The following SHANK1 variants were observed in gnomAD, a reference collection of about 807,000 sequenced individuals.
SHANK1 encodes the protein SH3 and multiple ankyrin repeat domains 1.
In SHANK1, 35 loss-of-function variants were observed where a neutral mutation model predicts 165.6. The ratio of observed to expected loss-of-function variants is 0.21; its 90% CI spans 0.16 to 0.28. The LOEUF (loss-of-function observed/expected upper bound fraction) is 0.28, where lower values mean the gene tolerates loss of function less well. Among genes scored for constraint, SHANK1 ranks in the 10% least tolerant of loss-of-function variants. The pLI, the probability that SHANK1 is intolerant of heterozygous loss-of-function variation, is 1.00. For synonymous variants in SHANK1, 1,428 were observed against 1,384.8 expected (o/e 1.03, Z -0.69); for missense variants, 2,681 against 3,036.4 (o/e 0.88, Z 2.75).
At chr19:50,692,796 C>T (rs1021481588) in intron 15 of SHANK1, among the ~76,000 whole-genome samples, 2 of 151,216 alleles carry the variant, frequency 1.3e-5, no homozygotes, top group African/African-American at 2.4e-5. Flanking sequence ...GGTTCCACAT[C>T]GCCCTAACCC....
At chr19:50,687,044 G>A in intron 19 of SHANK1, 1 of 1,476,920 alleles carries the variant, frequency 6.8e-7, no homozygotes, top group South Asian at 1.4e-5. Flanking sequence ...GGGGAGACTA[G>A]CCCGGGGGAG....
chr19:50,662,735 G>T lies in SHANK1; in HGVS notation c.5769-53C>A. The T allele has an allele frequency of 6.5e-7, 1 of 1,543,436 alleles. No homozygotes were observed. On this transcript the variant is annotated intron_variant, in intron 23 of 23. Transcript: ENST00000293441. The surrounding 1 kb of genome is among the most constrained non-coding windows in gnomAD (Gnocchi z 7.7). The stretch of plus-strand genomic sequence containing the variant: ...GAGGACAGGGATTTAGGGGGCAAGG[G>T]CAGGGGTGAGAAAGAGGCAGAGGTC...
chr19:50,694,674 T>G (rs1599860042), intron 15 of SHANK1, among the ~76,000 whole-genome samples: 12 of 130,390 alleles, frequency 9.2e-5, no homozygotes, highest in South Asian at 2.7e-4. Flanking sequence ...GGGGGGAGGG[T>G]CGGGGAGAGG....
At chr19:50,665,506 G>A (rs1456375224) in intron 23 of SHANK1, among the ~76,000 whole-genome samples, 1 of 133,242 alleles carries the variant, frequency 7.5e-6, no homozygotes, top group Non-Finnish European at 1.5e-5. Context: ...GGCAGAAGTT[G>A]CAGTGAGCTG....
At chr19:50,689,690 T>C (rs1392342782) in intron 15 of SHANK1, among the ~76,000 whole-genome samples, 1 of 152,192 alleles carries the variant, frequency 6.6e-6, no homozygotes, top group East Asian at 1.9e-4. Context: ...AATGGGGGGC[T>C]ATCACAGATC....
rs1420490562 is a variant in SHANK1 at position 50,686,613 on chromosome 19, G to C, written c.2458+131C>G. 1.6e-5 allele frequency: 14 copies of C among 857,454 alleles called. No homozygotes were observed. The highest frequency in any genetic ancestry group is 4.9e-5 in the Admixed American group (2 of 41,110). 53.1% of individuals were successfully genotyped at this position (857,454 alleles called of 1,614,324 possible). A position where few individuals can be genotyped will look rare whatever the true frequency, so the allele number is the denominator to read the frequency against. Reference sequence around the variant, plus strand: ...CGTCGGGAGAGGGCGGGCGGAGGGAGGGGAGGTGGGATCGCAGCCTCTCTG... The same window carrying C: ...CGTCGGGAGAGGGCGGGCGGAGGGACGGGAGGTGGGATCGCAGCCTCTCTG... On this transcript the variant is annotated intron_variant, in intron 20 of 23. Transcript: ENST00000293441. This position sits in a 1 kb window ranked among gnomAD's most constrained non-coding sequence, Gnocchi z 5.7.
rs955624866 is a variant in SHANK1, at chr19:50,688,162, G to A, written c.2173-104C>T. The A allele has an allele frequency of 8.0e-6, 11 of 1,376,762 alleles. No homozygotes were observed. In the Admixed American group the frequency reaches 1.8e-4, roughly 23 times the overall value. 85.3% of individuals were successfully genotyped at this position (1,376,762 alleles called of 1,614,324 possible). ...TGCCTCCTGCGCTGCCCTGTCCATG[G>A]CCCTCTGGGCTATGTTCCTCTCCCT... is the stretch of plus-strand genomic sequence containing the variant. On this transcript the variant is annotated intron_variant, in intron 17 of 23. Transcript: ENST00000293441. The surrounding 1 kb of genome is among the most constrained non-coding windows in gnomAD (Gnocchi z 6.7).
chr19:50,701,698 C>A (rs1204332214), intron 12 of SHANK1, among the ~76,000 whole-genome samples: 4 of 152,172 alleles, frequency 2.6e-5, no homozygotes, highest in Non-Finnish European at 5.9e-5. Flanking sequence ...AACCTCTATA[C>A]CGCTCAGCTC....
chr19:50,709,489 A>G (rs2088983375), intron 8 of SHANK1, among the ~76,000 whole-genome samples: 1 of 151,980 alleles, frequency 6.6e-6, no homozygotes, highest in Non-Finnish European at 1.5e-5. Flanking sequence ...GAGAAAGGAG[A>G]TCAAGGAGGG....
In SHANK1 at chr19:50,688,089, A is replaced by T. The variant is rs769076963; in HGVS notation, c.2173-31T>A. The T allele has an allele frequency of 3.1e-6, 5 of 1,612,646 alleles. No individual in the cohort carries two copies. Among genetic ancestry groups the T allele is most frequent in the Non-Finnish European group, 4.2e-6 (5 of 1,179,598 alleles). Reference sequence around the variant, plus strand: ...GCACAGACACCCCCAGATCACACAGAGTAGACGAGGGGAGGGGTGCTTGCA... The same window carrying T: ...GCACAGACACCCCCAGATCACACAGTGTAGACGAGGGGAGGGGTGCTTGCA... On this transcript the variant is annotated intron_variant, in intron 17 of 23. Transcript: ENST00000293441. The surrounding 1 kb of genome is among the most constrained non-coding windows in gnomAD (Gnocchi z 6.7).
rs3087079 is a variant in SHANK1 at position 50,663,940 on chromosome 19, C to CTTTTTTT, written c.5769-1265_5769-1259dup. On this transcript the variant is annotated intron_variant, in intron 23 of 23. Coordinates refer to ENST00000293441, the MANE Select transcript of SHANK1 (RefSeq NM_016148.5). ...TTCTTTTCTTTCTCTCTCTCTCTCT[C>CTTTTTTT]TTTTTTTTTTTTTTTTTAAGACAGG... is the stretch of plus-strand genomic sequence containing the variant. 6.4e-5 allele frequency among the ~76,000 whole-genome samples: 7 copies of CTTTTTTT among 108,932 alleles called. 1 individual carries two copies. Among genetic ancestry groups the CTTTTTTT allele is most frequent in the Non-Finnish European group, 1.0e-4 (6 of 57,754 alleles). The allele number at this position is 108,932 out of a possible 152,430, so 71.5% of individuals were successfully genotyped here. A position where few individuals can be genotyped will look rare whatever the true frequency, so the allele number is the denominator to read the frequency against.
In SHANK1 at chr19:50,669,071, G is replaced by T; in HGVS notation, c.2889C>A (p.Pro963=). 3 of 1,197,298 alleles carry T rather than the reference G, an allele frequency of 2.5e-6. 1 individual carries two copies. The highest frequency in any genetic ancestry group is 3.1e-5 in the South Asian group (2 of 65,548). 74.2% of individuals were successfully genotyped at this position (1,197,298 alleles called of 1,614,324 possible). The change falls in exon 23 of 24, where the codon CCC becomes CCA. Residue 963 remains proline, a synonymous_variant. Coordinates refer to ENST00000293441, the MANE Select transcript of SHANK1 (RefSeq NM_016148.5). ...CGTCAAAGGATGCAGGGGAGGAGGC[G>T]GGGAGGGGGCCACCAGAGCCAGGGT... ...PFNPGSGGPL[P]ASSPASFDGP... is the part of the protein sequence containing the mutation.
rs771475185 is a variant in SHANK1 at position 50,704,503 on chromosome 19, G to A, written c.1089C>T (p.Ala363=). 4 of 1,614,088 alleles carry A rather than the reference G, an allele frequency of 2.5e-6. No homozygotes were observed. In the East Asian group the frequency reaches 8.9e-5, roughly 36 times the overall value. The stretch of plus-strand genomic sequence containing the variant: ...CGGCACCTCGATACAGGAGGATCCT[G>A]GCACAGGTCTCCTGCGGGTAATGGC... ...ICALYNKETC[A]RILLYRGADK... The change falls in exon 9 of 24, where the codon GCC becomes GCT. Residue 363 remains alanine (A), a synonymous_variant. Coordinates refer to ENST00000293441, the MANE Select transcript of SHANK1 (RefSeq NM_016148.5).
In SHANK1 at chr19:50,686,654, G is replaced by A; in HGVS notation, c.2458+90C>T. On this transcript the variant is annotated intron_variant, in intron 20 of 23. Transcript: ENST00000293441. This position sits in a 1 kb window ranked among gnomAD's most constrained non-coding sequence, Gnocchi z 5.7. ...AGCCTCTCTGGGGCAGGAAGGTGAG[G>A]GGCGCCGTGGGGTTCATGGTGGGAC... 19 of 1,248,642 alleles carry A rather than the reference G, an allele frequency of 1.5e-5. No individual in the cohort carries two copies. The highest frequency in any genetic ancestry group is 2.1e-5 in the Non-Finnish European group (18 of 872,816). 77.3% of individuals were successfully genotyped at this position (1,248,642 alleles called of 1,614,324 possible). A position where few individuals can be genotyped will look rare whatever the true frequency, so the allele number is the denominator to read the frequency against.
chr19:50,700,968 C>G (rs1354429554), intron 12 of SHANK1, among the ~76,000 whole-genome samples: 1 of 152,120 alleles, frequency 6.6e-6, no homozygotes, highest in Middle Eastern at 3.4e-3. Context: ...CCCTAGAGAC[C>G]CAGAGACCAG....
In SHANK1 at chr19:50,662,313, C is replaced by A. The variant is rs368454273; in HGVS notation, c.6138G>T (p.Ser2046=). 1 of 1,609,112 alleles carries A rather than the reference C, an allele frequency of 6.2e-7. No individual in the cohort carries two copies. Residue 2046 remains serine (S), a synonymous_variant, in exon 24 of 24, where the codon TCG becomes TCT. Transcript: ENST00000293441. The surrounding 1 kb of genome is among the most constrained non-coding windows in gnomAD (Gnocchi z 7.7). ...RGSPTGGAGG[S]ADPFAPVFVP... The stretch of plus-strand genomic sequence containing the variant: ...CAAAGACTGGGGCGAAGGGGTCAGC[C>A]GAGCCTCCTGCCCCTCCAGTTGGGG...
At chr19:50,694,134 G>T (rs987219223) in intron 15 of SHANK1, among the ~76,000 whole-genome samples, 1 of 151,742 alleles carries the variant, frequency 6.6e-6, no homozygotes, top group African/African-American at 2.4e-5. Context: ...CACACAGATG[G>T]ACACAGTTGG....
At chr19:50,707,875 G>GTTTTTCTTTTCTTTTCTTTTCT (rs2088957984) in intron 8 of SHANK1, among the ~76,000 whole-genome samples, 2 of 134,196 alleles carry the variant, frequency 1.5e-5, no homozygotes, top group Non-Finnish European at 3.4e-5. Flanking sequence ...ACTTTTGCGT[G>GTTTTTCTTTTCTTTTCTTTTCT]TTTTTCTTTT....
chr19:50,680,674 G>A (rs1369983569), intron 21 of SHANK1, among the ~76,000 whole-genome samples: 1 of 122,438 alleles, frequency 8.2e-6, no homozygotes, highest in Non-Finnish European at 1.6e-5. Flanking sequence ...TTTTTTCCCC[G>A]AGACAGAATC....
Sources: allele counts gnomAD v4.1 joint callset (sites outside exome capture counted in the v4.1 genomes callset), GRCh38; gene constraint gnomAD v4.1.1; non-coding constraint Gnocchi (gnomAD v3.1); transcripts MANE v1.5; gene names NCBI Gene and HGNC (gene_info 2026-07-23, HGNC 2026-07-21).